Variants in CADM2 observed in about 807,000 individuals in gnomAD.
CADM2 encodes the protein cell adhesion molecule 2, also known as immunoglobulin superfamily member 4D.
In CADM2, 12 loss-of-function variants were observed where a neutral mutation model predicts 49.8. The observed-to-expected ratio is 0.24, with a 90% CI of 0.15 to 0.39. The LOEUF is 0.39. Ranked by LOEUF, CADM2 falls within the 10% of genes least tolerant of loss-of-function variation. CADM2 has a pLI of 1.00. For synonymous variants in CADM2, 214 were observed against 175.4 expected (o/e 1.22, Z -1.74); for missense variants, 378 against 492.3 (o/e 0.77, Z 2.20).
At chr3:85,783,542 G>A (rs534364111) in intron 2 of CADM2, among the ~76,000 whole-genome samples, 3 of 152,260 alleles carry the variant, frequency 2.0e-5, no homozygotes, top group African/African-American at 4.8e-5. Flanking sequence ...GAGAGTTGAC[G>A]CTTATCAACC....
chr3:85,410,841 T>C (rs1353864650), intron 1 of CADM2, among the ~76,000 whole-genome samples: 1 of 152,024 alleles, frequency 6.6e-6, no homozygotes, highest in Non-Finnish European at 1.5e-5. Flanking sequence ...AGAGTCTAAA[T>C]TAGGTAGAAA....
At chr3:85,902,811 T>C (rs1445476235) in intron 5 of CADM2, among the ~76,000 whole-genome samples, 1 of 151,682 alleles carries the variant, frequency 6.6e-6, no homozygotes, top group African/African-American at 2.4e-5. Flanking sequence ...TTAGAAGATA[T>C]AGAAATGCTA....
intron 1 of CADM2, among the ~76,000 whole-genome samples, chr3:85,230,580 A>G (rs78158888): frequency 6.6e-6 from 1 of 152,214 alleles, no homozygotes; most frequent in Non-Finnish European, 1.5e-5. Flanking sequence ...GTGCTTAAAA[A>G]GCTTAACTAA....
intron 1 of CADM2, among the ~76,000 whole-genome samples, chr3:85,196,657 A>T (rs888156818): frequency 3.9e-5 from 6 of 152,002 alleles, no homozygotes; most frequent in Non-Finnish European, 5.9e-5. Context: ...GATGATGGAC[A>T]TGAGAATCCA....
At chr3:86,038,161 A>C (rs1333084641) in intron 8 of CADM2, among the ~76,000 whole-genome samples, 2 of 152,214 alleles carry the variant, frequency 1.3e-5, no homozygotes, top group Non-Finnish European at 2.9e-5. Context: ...GATACAAAAA[A>C]AAAGTTAGTT....
At chr3:85,995,657 T>A (rs552735235) in intron 8 of CADM2, among the ~76,000 whole-genome samples, 1 of 152,336 alleles carries the variant, frequency 6.6e-6, no homozygotes, top group Admixed American at 6.5e-5. Flanking sequence ...AATATTATTC[T>A]CCTGGATCAT....
At chr3:85,979,231 T>A in intron 8 of CADM2, 2 of 1,611,002 alleles carry the variant, frequency 1.2e-6, no homozygotes, top group Non-Finnish European at 1.7e-6. Context: ...TCACAACCAC[T>A]GTAGCCATAA....
intron 8 of CADM2, chr3:85,992,804 CTGAT>C (rs775323400): frequency 2.6e-5 from 4 of 152,124 alleles, no homozygotes; most frequent in Non-Finnish European, 5.9e-5. Flanking sequence ...TGGCTGCTGA[CTGAT>C]CAGTGAGTGA....
chr3:85,569,710 A>AAG (rs1007535373), intron 1 of CADM2, among the ~76,000 whole-genome samples: 1 of 133,780 alleles, frequency 7.5e-6, no homozygotes, highest in African/African-American at 2.5e-5. Context: ...GCAAAAAAAA[A>AAG]AAAAGAAAAA....
intron 1 of CADM2, among the ~76,000 whole-genome samples, chr3:85,542,301 T>C (rs17457669): frequency 0.51 from 77,880 of 151,950 alleles, 23,044 homozygotes; most frequent in East Asian, 0.85. Context: ...AAATTGTTCT[T>C]ATTCCCCCAA....
intron 6 of CADM2, among the ~76,000 whole-genome samples, chr3:85,932,732 T>G (rs1198667295): frequency 6.6e-6 from 1 of 152,120 alleles, no homozygotes; most frequent in Non-Finnish European, 1.5e-5. Context: ...AATTCTGTTT[T>G]TGTGTGTGTG....
At chr3:85,932,006 T>C (rs1019924327) in intron 6 of CADM2, among the ~76,000 whole-genome samples, 1 of 151,682 alleles carries the variant, frequency 6.6e-6, no homozygotes, top group African/African-American at 2.4e-5. Context: ...CAGATTTATG[T>C]TTTGAGAAGA....
intron 1 of CADM2, among the ~76,000 whole-genome samples, chr3:85,466,027 TC>T (rs1402290558): frequency 6.6e-6 from 1 of 152,230 alleles, no homozygotes; most frequent in African/African-American, 2.4e-5. Context: ...CTATCTTATA[TC>T]CTTGTGGATA....
chr3:85,028,743 C>G (rs1270824322), intron 1 of CADM2, among the ~76,000 whole-genome samples: 1 of 151,942 alleles, frequency 6.6e-6, no homozygotes, highest in East Asian at 1.9e-4. Flanking sequence ...TTAGACAGGT[C>G]TCAATTTTTC....
intron 7 of CADM2, among the ~76,000 whole-genome samples, chr3:85,956,447 G>A (rs1018320523): frequency 1.9e-4 from 29 of 151,728 alleles, no homozygotes; most frequent in Admixed American, 1.7e-3. Flanking sequence ...GGGAATATGT[G>A]TAGGCTATTT....
chr3:85,294,909 G>C (rs910738642), intron 1 of CADM2, among the ~76,000 whole-genome samples: 1 of 152,154 alleles, frequency 6.6e-6, no homozygotes, highest in Non-Finnish European at 1.5e-5. Context: ...AACACCAAAA[G>C]CAATGGCAAC....
intron 4 of CADM2, 77 bp from the exon 5 acceptor site, chr3:85,886,113 A>T: frequency 6.4e-7 from 1 of 1,570,084 alleles, no homozygotes; most frequent in South Asian, 1.2e-5. Context: ...GTTCAGTTTC[A>T]TGTGTGAAAG....
chr3:85,376,319 A>C (rs987074301), intron 1 of CADM2, among the ~76,000 whole-genome samples: 1 of 152,146 alleles, frequency 6.6e-6, no homozygotes, highest in African/African-American at 2.4e-5. Flanking sequence ...ACCTCACAGC[A>C]GGGACAGTGA....
chr3:85,613,648 A>G (rs2063732146), intron 1 of CADM2, among the ~76,000 whole-genome samples: 1 of 151,548 alleles, frequency 6.6e-6, no homozygotes, highest in Non-Finnish European at 1.5e-5. Flanking sequence ...ATAATTTTTA[A>G]TTTATTTTTA....
Sources: gnomAD v4.1 joint callset for allele counts (sites outside exome capture counted in the v4.1 genomes callset) on GRCh38, gnomAD v4.1.1 for gene constraint, MANE v1.5 for transcripts, NCBI Gene and HGNC (gene_info 2026-07-23, HGNC 2026-07-21) for gene names.